The following CNTN5 variants were observed in gnomAD, a reference collection of about 807,000 sequenced individuals.
CNTN5 encodes the protein contactin-5.
A neutral mutation model predicts 129.1 loss-of-function variants in CNTN5; 77 were observed. That is an observed-to-expected ratio of 0.60 (90% CI 0.50 to 0.72). The LOEUF is 0.72. CNTN5 is among the 30% of genes least tolerant of loss of function. The probability of loss-of-function intolerance (pLI) is 0.00; values close to 1 mark genes in which losing one functional copy is unlikely to be tolerated. For synonymous variants in CNTN5, 509 were observed against 465.6 expected (o/e 1.09, Z -1.20); for missense variants, 1,478 against 1,328.8 (o/e 1.11, Z -1.75).
chr11:100,007,644 G>A (rs1565782843), intron 9 of CNTN5, among the ~76,000 whole-genome samples: 1 of 152,070 alleles, frequency 6.6e-6, no homozygotes, highest in Admixed American at 6.6e-5. Flanking sequence ...CTTTCTGTGA[G>A]TTAGGTTTTG....
At chr11:99,814,053 A>G (rs1302783817) in intron 3 of CNTN5, among the ~76,000 whole-genome samples, 2 of 152,196 alleles carry the variant, frequency 1.3e-5, no homozygotes, top group Non-Finnish European at 2.9e-5. Flanking sequence ...AGAACTTTTT[A>G]TATAGTTATG....
chr11:99,916,690 T>C (rs889502595), intron 7 of CNTN5, among the ~76,000 whole-genome samples: 1 of 152,128 alleles, frequency 6.6e-6, no homozygotes, highest in African/African-American at 2.4e-5. Context: ...TTATGTGGCT[T>C]GAGGAAGCAG....
At chr11:100,183,809 A>G (rs1313265370) in intron 13 of CNTN5, among the ~76,000 whole-genome samples, 3 of 152,150 alleles carry the variant, frequency 2.0e-5, no homozygotes, top group Non-Finnish European at 2.9e-5. Flanking sequence ...AAATGTTAAT[A>G]GCTTCCCATT....
chr11:99,732,030 G>T (rs930702072), intron 3 of CNTN5, among the ~76,000 whole-genome samples: 5 of 152,166 alleles, frequency 3.3e-5, no homozygotes, highest in African/African-American at 1.2e-4. Flanking sequence ...CATAGTCTTT[G>T]TAATTTTCCC....
intron 1 of CNTN5, among the ~76,000 whole-genome samples, chr11:99,190,925 C>A (rs1246431647): frequency 6.6e-6 from 1 of 151,406 alleles, no homozygotes; most frequent in Non-Finnish European, 1.5e-5. Flanking sequence ...TGTTTCTGGT[C>A]TTAGAGGGAT....
intron 1 of CNTN5, among the ~76,000 whole-genome samples, chr11:99,149,163 C>T (rs11218556): frequency 0.27 from 40,541 of 152,002 alleles, 6,514 homozygotes; most frequent in East Asian, 0.68. Flanking sequence ...TTGAGACCAA[C>T]GAATGCATTA....
intron 8 of CNTN5, among the ~76,000 whole-genome samples, chr11:99,982,096 A>G (rs1224728902): frequency 6.6e-6 from 1 of 152,212 alleles, no homozygotes; most frequent in Non-Finnish European, 1.5e-5. Flanking sequence ...TAGCCTTGTT[A>G]ATGGAGAATA....
chr11:99,615,987 C>T (rs754472183), intron 3 of CNTN5, among the ~76,000 whole-genome samples: 17 of 152,030 alleles, frequency 1.1e-4, no homozygotes, highest in African/African-American at 2.2e-4. Flanking sequence ...TTGCACTCCT[C>T]GGCCTCTCAA....
chr11:99,621,041 T>C (rs781334381), intron 3 of CNTN5, among the ~76,000 whole-genome samples: 2 of 152,000 alleles, frequency 1.3e-5, no homozygotes, highest in Non-Finnish European at 2.9e-5. Flanking sequence ...ATAACACACA[T>C]AAAGTCTACC....
At chr11:100,013,838 A>G (rs1940669060) in intron 9 of CNTN5, among the ~76,000 whole-genome samples, 2 of 152,098 alleles carry the variant, frequency 1.3e-5, no homozygotes, top group South Asian at 4.1e-4. Context: ...TTTGTTTGAG[A>G]TCTCATTCTA....
At chr11:99,480,753 T>C (rs1049876800) in intron 2 of CNTN5, among the ~76,000 whole-genome samples, 1 of 152,124 alleles carries the variant, frequency 6.6e-6, no homozygotes, top group African/African-American at 2.4e-5. Flanking sequence ...GCCCCTAGTG[T>C]CTATCCAACT....
intron 8 of CNTN5, among the ~76,000 whole-genome samples, chr11:99,989,410 T>C (rs12793044): frequency 6.6e-6 from 1 of 152,152 alleles, no homozygotes; most frequent in African/African-American, 2.4e-5. Context: ...TTCTAAACCA[T>C]ATTCACACAC....
intron 2 of CNTN5, among the ~76,000 whole-genome samples, chr11:99,520,988 G>A (rs1208934433): frequency 1.3e-5 from 2 of 151,970 alleles, no homozygotes; most frequent in African/African-American, 2.4e-5. Flanking sequence ...GGTTTATATA[G>A]CTCCTTCAGA....
intron 2 of CNTN5, among the ~76,000 whole-genome samples, chr11:99,336,440 A>G (rs2136041376): frequency 6.6e-6 from 1 of 152,282 alleles, no homozygotes; most frequent in African/African-American, 2.4e-5. Flanking sequence ...ATTCTGTGTA[A>G]TTCACAGTAA....
chr11:99,839,146 G>T (rs750255745), intron 4 of CNTN5, among the ~76,000 whole-genome samples: 7 of 152,114 alleles, frequency 4.6e-5, no homozygotes, highest in Admixed American at 2.0e-4. Context: ...GGCATGAAAA[G>T]GTTACTTTCA....
chr11:100,056,610 A>G (rs1445750478), intron 9 of CNTN5, among the ~76,000 whole-genome samples: 1 of 151,766 alleles, frequency 6.6e-6, no homozygotes, highest in Non-Finnish European at 1.5e-5. Flanking sequence ...GAGAAAATTC[A>G]TCAAAACACA....
At chr11:100,139,444 G>A (rs1946622671) in intron 13 of CNTN5, among the ~76,000 whole-genome samples, 1 of 152,178 alleles carries the variant, frequency 6.6e-6, no homozygotes, top group South Asian at 2.1e-4. Flanking sequence ...GTGCTGATAT[G>A]TCAAGTAAAG....
chr11:99,310,762 A>G (rs1440737192), intron 1 of CNTN5, among the ~76,000 whole-genome samples: 2 of 152,198 alleles, frequency 1.3e-5, no homozygotes, highest in Non-Finnish European at 2.9e-5. Context: ...TATAAATGAA[A>G]TAATAGACTA....
intron 3 of CNTN5, among the ~76,000 whole-genome samples, chr11:99,760,971 G>T (rs961287935): frequency 3.9e-5 from 6 of 152,016 alleles, no homozygotes; most frequent in Non-Finnish European, 2.9e-5. Context: ...TGGGTTATTT[G>T]TTTTATTGTA....
Sources: gnomAD v4.1 joint callset for allele counts (sites outside exome capture counted in the v4.1 genomes callset) on GRCh38, gnomAD v4.1.1 for gene constraint, MANE v1.5 for transcripts, NCBI Gene and HGNC (gene_info 2026-07-23, HGNC 2026-07-21) for gene names.